The following SLC22A24 variants were observed in gnomAD, a reference collection of about 807,000 sequenced individuals.
SLC22A24 encodes the protein solute carrier family 22 member 24.
Under a neutral mutation model 49.8 loss-of-function variants are expected in SLC22A24, and 53 were observed. The observed-to-expected ratio is 1.06, with a 90% CI of 0.85 to 1.34. The LOEUF is 1.34. Ranked by LOEUF, SLC22A24 falls within the 40% of genes most tolerant of loss-of-function variation. The pLI is 0.00. For synonymous variants in SLC22A24, 302 were observed against 256.4 expected (o/e 1.18, Z -1.70); for missense variants, 786 against 675.9 (o/e 1.16, Z -1.81).
At position 63,132,948 on chromosome 11, in the gene SLC22A24, C is replaced by G. The variant is rs1010012687; in HGVS notation, c.506+1717G>C. Reference sequence around the variant, plus strand: ...AGAGGCAGTAGTCCTTACGGAGCTACGGTGGGCTCTGCCCAGTTCGAACTT... The same window carrying G: ...AGAGGCAGTAGTCCTTACGGAGCTAGGGTGGGCTCTGCCCAGTTCGAACTT... On this transcript the variant is annotated intron_variant, in intron 2 of 9. Coordinates refer to ENST00000612278, the MANE Select transcript of SLC22A24 (RefSeq NM_001136506.2). Among the ~76,000 whole-genome samples the G allele has an allele frequency of 2.0e-5, 3 of 152,306 alleles. No individual in the cohort carries two copies. The South Asian group carries it at 6.2e-4, about 32-fold the overall frequency.
intron 2 of SLC22A24, among the ~76,000 whole-genome samples, chr11:63,120,613 C>T (rs1281092528): frequency 6.6e-6 from 1 of 151,992 alleles, no homozygotes; most frequent in Non-Finnish European, 1.5e-5. Context: ...GTATGTGTGT[C>T]ACAGACTGGC....
At position 63,096,926 on chromosome 11, in the gene SLC22A24, GA is replaced by G. The variant is rs201336970; in HGVS notation, c.955-821del. On this transcript the variant is annotated intron_variant, in intron 5 of 9. Transcript: ENST00000612278. The stretch of plus-strand genomic sequence containing the variant: ...ATGAATTTAGCGTTTCTTTCATAGG[GA>G]TTATCTAATAATTATCTGAAGTCTT... Among the ~76,000 whole-genome samples the G allele has an allele frequency of 6.9e-3, 1,048 of 152,166 alleles. 11 individuals are homozygous for G. Among genetic ancestry groups the G allele is most frequent in the African/African-American group, 0.024 (980 of 41,526 alleles).
At chr11:63,089,355 A>G (rs563653017) in intron 6 of SLC22A24, among the ~76,000 whole-genome samples, 1 of 152,344 alleles carries the variant, frequency 6.6e-6, no homozygotes, top group African/African-American at 2.4e-5. Context: ...AACCCTTTCC[A>G]GACAAGCAAA....
intron 2 of SLC22A24, among the ~76,000 whole-genome samples, chr11:63,121,852 A>C (rs975217439): frequency 3.9e-5 from 6 of 152,162 alleles, no homozygotes; most frequent in African/African-American, 1.4e-4. Flanking sequence ...ATGTGTTCTC[A>C]TTGTTCAATT....
chr11:63,121,354 A>C (rs969699597), intron 2 of SLC22A24, among the ~76,000 whole-genome samples: 1 of 152,176 alleles, frequency 6.6e-6, no homozygotes, highest in Non-Finnish European at 1.5e-5. Context: ...CGAGATGTTA[A>C]TATTAGAAAT....
At chr11:63,085,453 T>G (rs1474954614) in intron 6 of SLC22A24, among the ~76,000 whole-genome samples, 1 of 152,152 alleles carries the variant, frequency 6.6e-6, no homozygotes, top group Non-Finnish European at 1.5e-5. Flanking sequence ...AATAGTACAT[T>G]AAAAAATATA....
At chr11:63,109,380 T>G (rs1168142697) in intron 4 of SLC22A24, among the ~76,000 whole-genome samples, 1 of 147,126 alleles carries the variant, frequency 6.8e-6, no homozygotes, top group East Asian at 2.1e-4. Flanking sequence ...GATGGCTGGG[T>G]CAAATGGTAT....
intron 6 of SLC22A24, among the ~76,000 whole-genome samples, chr11:63,089,927 A>G (rs1404109871): frequency 6.6e-6 from 1 of 151,748 alleles, no homozygotes; most frequent in Non-Finnish European, 1.5e-5. Context: ...TAAAAATACA[A>G]AAAATTAGCC....
chr11:63,133,463 A>G (rs1185826674), intron 2 of SLC22A24, among the ~76,000 whole-genome samples: 1 of 152,076 alleles, frequency 6.6e-6, no homozygotes. Context: ...CCCAGGTCAC[A>G]ATTTTTAAAT....
intron 6 of SLC22A24, among the ~76,000 whole-genome samples, chr11:63,090,730 A>G (rs2087015481): frequency 6.6e-6 from 1 of 151,604 alleles, no homozygotes; most frequent in Non-Finnish European, 1.5e-5. Context: ...TTTGAAACCA[A>G]TGAGAACAAA....
chr11:63,135,911 C>A (rs904834160), intron 1 of SLC22A24, among the ~76,000 whole-genome samples: 1 of 152,176 alleles, frequency 6.6e-6, no homozygotes, highest in Non-Finnish European at 1.5e-5. Flanking sequence ...CGGAAGTCAA[C>A]AATGACCAGT....
At chr11:63,104,360 C>A (rs752831303) in intron 4 of SLC22A24, 62 bp from the exon 5 acceptor site, 6 of 1,462,500 alleles carry the variant, frequency 4.1e-6, no homozygotes, top group Non-Finnish European at 5.5e-6. Flanking sequence ...TAACCTTTAA[C>A]ATGAAATTCC....
chr11:63,090,690 T>TA (rs1198599701), intron 6 of SLC22A24, among the ~76,000 whole-genome samples: 5 of 146,906 alleles, frequency 3.4e-5, no homozygotes, highest in Non-Finnish European at 7.5e-5. Flanking sequence ...AATAAATAAA[T>TA]AATAGCTATC....
At chr11:63,134,910 T>G in intron 1 of SLC22A24, 142 bp from the exon 2 acceptor site, 2 of 571,758 alleles carry the variant, frequency 3.5e-6, no homozygotes, top group Non-Finnish European at 6.3e-6. Context: ...CATCTGCAGG[T>G]ACTCTTTTCT....
chr11:63,084,672 T>G (rs575679672), intron 6 of SLC22A24, among the ~76,000 whole-genome samples: 9 of 152,258 alleles, frequency 5.9e-5, no homozygotes, highest in African/African-American at 1.9e-4. Context: ...TGCCCGACCT[T>G]TGCTTTCTTT....
At chr11:63,085,459 A>T (rs1375060479) in intron 6 of SLC22A24, among the ~76,000 whole-genome samples, 3 of 152,222 alleles carry the variant, frequency 2.0e-5, no homozygotes, top group African/African-American at 4.8e-5. Context: ...ACATTAAAAA[A>T]TATAAACAGA....
At chr11:63,108,204 G>C (rs142916825) in intron 4 of SLC22A24, among the ~76,000 whole-genome samples, 1 of 152,100 alleles carries the variant, frequency 6.6e-6, no homozygotes, top group Admixed American at 6.6e-5. Context: ...TGTGGTTTTT[G>C]TCATTGGTTC....
Position 63,131,277 on chromosome 11 carries a change from A to G in SLC22A24, c.506+3388T>C, listed in dbSNP as rs2087333472. On this transcript the variant is annotated intron_variant, in intron 2 of 9. Transcript: ENST00000612278. ...TGATTGGGGCATTTAGCCCAGTTAC[A>G]TTTAAGGTTAATATTATTATGTTTG... 2.6e-5 allele frequency among the ~76,000 whole-genome samples: 4 copies of G among 152,040 alleles called. No individual in the cohort carries two copies. In the South Asian group the frequency reaches 8.3e-4, roughly 32 times the overall value.
intron 1 of SLC22A24, among the ~76,000 whole-genome samples, chr11:63,139,316 C>G (rs369665673): frequency 2.0e-5 from 3 of 152,072 alleles, no homozygotes; most frequent in African/African-American, 4.8e-5. Flanking sequence ...CTCATGAAAC[C>G]CCAGGAATTA....
Sources: allele counts gnomAD v4.1 joint callset (sites outside exome capture counted in the v4.1 genomes callset), GRCh38; gene constraint gnomAD v4.1.1; transcripts MANE v1.5; gene names NCBI Gene and HGNC (gene_info 2026-07-23, HGNC 2026-07-21).